Variants in CNTN5 observed in about 807,000 individuals in gnomAD.
CNTN5 encodes contactin 5, also known as contactin-5.
Under a neutral mutation model 129.1 loss-of-function variants are expected in CNTN5, and 77 were observed. The observed-to-expected ratio is 0.60, with a 90% CI of 0.50 to 0.72. The LOEUF (loss-of-function observed/expected upper bound fraction) is 0.72, where lower values mean the gene tolerates loss of function less well. Ranked by LOEUF, CNTN5 falls within the 30% of genes least tolerant of loss-of-function variation. The pLI is 0.00. For synonymous variants in CNTN5, 509 were observed against 465.6 expected, an observed-to-expected ratio of 1.09 and a Z score of -1.20; for missense variants, 1,478 against 1,328.8, an observed-to-expected ratio of 1.11 and a Z score of -1.75.
chr11:99,194,357 T>C (rs896155829), intron 1 of CNTN5, among the ~76,000 whole-genome samples: 3 of 151,976 alleles, frequency 2.0e-5, no homozygotes, highest in Non-Finnish European at 4.4e-5. Flanking sequence ...CTTAAAACTG[T>C]GAGAATGAAA....
intron 3 of CNTN5, among the ~76,000 whole-genome samples, chr11:99,819,200 T>C (rs2508661): frequency 0.63 from 92,550 of 147,292 alleles, 29,166 homozygotes; most frequent in East Asian, 0.68. Context: ...AGCTTGGGCT[T>C]TTGACTGTCT....
chr11:99,567,016 C>T (rs1949026912), intron 3 of CNTN5, among the ~76,000 whole-genome samples: 3 of 152,094 alleles, frequency 2.0e-5, no homozygotes, highest in Admixed American at 6.5e-5. Flanking sequence ...TTTTCCTTGA[C>T]TAAATTTATA....
chr11:99,622,918 C>T (rs1447171605), intron 3 of CNTN5, among the ~76,000 whole-genome samples: 1 of 151,896 alleles, frequency 6.6e-6, no homozygotes, highest in Non-Finnish European at 1.5e-5. Context: ...TCCAACATTA[C>T]TGGGACCCTA....
intron 2 of CNTN5, among the ~76,000 whole-genome samples, chr11:99,482,488 T>G (rs1204124258): frequency 1.3e-5 from 2 of 152,218 alleles, no homozygotes; most frequent in East Asian, 1.9e-4. Context: ...GAGTTACTTT[T>G]GTATGTAACT....
At chr11:100,276,655 T>G (rs1296786086) in intron 18 of CNTN5, among the ~76,000 whole-genome samples, 1 of 152,046 alleles carries the variant, frequency 6.6e-6, no homozygotes, top group Non-Finnish European at 1.5e-5. Flanking sequence ...TATATTTTTA[T>G]GCACACATTT....
intron 3 of CNTN5, among the ~76,000 whole-genome samples, chr11:99,735,903 T>A (rs1565475225): frequency 6.6e-6 from 1 of 152,160 alleles, no homozygotes; most frequent in South Asian, 2.1e-4. Flanking sequence ...AAACTGAAAC[T>A]TTGTACACCT....
rs1480753238 is a variant in CNTN5, at chr11:100,350,699, C to T, written c.3031-3C>T. On this transcript the variant is annotated splice_polypyrimidine_tract_variant and splice_region_variant and intron_variant, in intron 23 of 24. Transcript: ENST00000524871. ...AATGTCTAAACCTTGTTATTACTCTCAGGTTTTTTATAGGCAAGAGGGTCA... is the reference window on the plus strand; with the variant it reads ...AATGTCTAAACCTTGTTATTACTCTTAGGTTTTTTATAGGCAAGAGGGTCA... 1 of 1,597,964 alleles carries T rather than the reference C, an allele frequency of 6.3e-7. No homozygotes were observed. The highest frequency in any genetic ancestry group is 8.5e-7 in the Non-Finnish European group (1 of 1,171,462).
rs1435848194 is a variant in CNTN5, at chr11:100,358,349, C to G, written c.*2129C>G. The G allele has an allele frequency of 6.6e-6, 1 of 151,796 alleles. No individual in the cohort carries two copies. The highest frequency in any genetic ancestry group is 1.5e-5 in the Non-Finnish European group (1 of 67,824). 9.4% of individuals were successfully genotyped at this position (151,796 alleles called of 1,614,324 possible). On this transcript the variant is annotated 3_prime_UTR_variant, in exon 25 of 25. Transcript: ENST00000524871. ...TAATTAGCTGATGGATGGTACGTAT[C>G]TGACAGAGTATTTACACATATAGAA...
chr11:99,735,541 C>A (rs138445624), intron 3 of CNTN5, among the ~76,000 whole-genome samples: 2 of 151,898 alleles, frequency 1.3e-5, no homozygotes, highest in Non-Finnish European at 2.9e-5. Context: ...TTGTTTGATA[C>A]CTACTATGTG....
chr11:99,964,434 G>A (rs1453659892), intron 8 of CNTN5, among the ~76,000 whole-genome samples: 2 of 152,124 alleles, frequency 1.3e-5, no homozygotes, highest in African/African-American at 2.4e-5. Context: ...TTTTGCCGTT[G>A]GTTCTGTTTA....
At chr11:99,239,000 C>CA (rs58457556) in intron 1 of CNTN5, among the ~76,000 whole-genome samples, 2,599 of 152,090 alleles carry the variant, frequency 0.017, 86 homozygotes, top group African/African-American at 0.06. Context: ...GACTCTATGA[C>CA]TTTTTTTACA....
At chr11:99,304,962 T>C (rs1864809695) in intron 1 of CNTN5, among the ~76,000 whole-genome samples, 1 of 152,198 alleles carries the variant, frequency 6.6e-6, no homozygotes, top group Admixed American at 6.5e-5. Context: ...AATAGATATA[T>C]CTGTTAGCCC....
intron 3 of CNTN5, among the ~76,000 whole-genome samples, chr11:99,724,919 T>A (rs1370108820): frequency 6.6e-6 from 1 of 152,174 alleles, no homozygotes; most frequent in Admixed American, 6.5e-5. Flanking sequence ...TTGTATGATA[T>A]CAAAACAGAA....
At chr11:99,769,797 T>C (rs571185931) in intron 3 of CNTN5, among the ~76,000 whole-genome samples, 10 of 136,946 alleles carry the variant, frequency 7.3e-5, no homozygotes, top group Non-Finnish European at 1.1e-4. Flanking sequence ...GACTGGGCAA[T>C]AGAGTGAGAC....
chr11:99,907,056 C>T (rs945330343), intron 6 of CNTN5, among the ~76,000 whole-genome samples: 1 of 151,690 alleles, frequency 6.6e-6, no homozygotes, highest in African/African-American at 2.4e-5. Context: ...TTTTGTTAAT[C>T]TTTTCAAAAA....
intron 8 of CNTN5, among the ~76,000 whole-genome samples, chr11:99,991,982 C>T (rs934192557): frequency 3.9e-5 from 6 of 152,030 alleles, no homozygotes; most frequent in African/African-American, 1.2e-4. Flanking sequence ...CAACTCACAT[C>T]GTCATTGAAT....
intron 1 of CNTN5, among the ~76,000 whole-genome samples, chr11:99,037,581 T>TC (rs1467086667): frequency 1.6e-5 from 2 of 125,904 alleles, no homozygotes; most frequent in African/African-American, 6.3e-5. Flanking sequence ...CTTTTCTTTT[T>TC]TTTTTTTTTT....
chr11:99,183,951 C>T (rs1453724025), intron 1 of CNTN5, among the ~76,000 whole-genome samples: 1 of 152,086 alleles, frequency 6.6e-6, no homozygotes, highest in African/African-American at 2.4e-5. Context: ...TCCTTATTCA[C>T]ATATCTAATA....
chr11:100,033,974 A>G (rs930785138), intron 9 of CNTN5, among the ~76,000 whole-genome samples: 1 of 152,212 alleles, frequency 6.6e-6, no homozygotes, highest in Non-Finnish European at 1.5e-5. Flanking sequence ...GAAGAAAAAA[A>G]AAGACATTTC....
Sources: gnomAD v4.1 joint callset for allele counts (sites outside exome capture counted in the v4.1 genomes callset) on GRCh38, gnomAD v4.1.1 for gene constraint, MANE v1.5 for transcripts, NCBI Gene and HGNC (gene_info 2026-07-23, HGNC 2026-07-21) for gene names.